Variants in PKHD1L1 observed in about 807,000 individuals in gnomAD.
The protein encoded by PKHD1L1 is fibrocystin-L.
Under a neutral mutation model 462.9 loss-of-function variants are expected in PKHD1L1, and 434 were observed. That is an observed-to-expected ratio of 0.94 (90% CI 0.87 to 1.02). The LOEUF is 1.02. PKHD1L1 is among the 50% of genes least tolerant of loss of function. The probability of loss-of-function intolerance (pLI) is 0.00; values close to 1 mark genes in which losing one functional copy is unlikely to be tolerated. For missense variants in PKHD1L1, 5,202 were observed against 5,096.1 expected (o/e 1.02, Z -0.63); for synonymous variants, 1,781 against 1,750.0 (o/e 1.02, Z -0.44).
chr8:109,399,902 C>A (rs780166356), intron 12 of PKHD1L1, among the ~76,000 whole-genome samples, 174 bp from the exon 13 acceptor site: 3 of 152,104 alleles, frequency 2.0e-5, no homozygotes, highest in Non-Finnish European at 4.4e-5. Context: ...GAACAAATTA[C>A]AGACTGCCCT....
intron 70 of PKHD1L1, among the ~76,000 whole-genome samples, chr8:109,509,991 A>C (rs575048188): frequency 6.6e-6 from 1 of 152,192 alleles, no homozygotes; most frequent in Admixed American, 6.6e-5. Context: ...AGTCATTTTA[A>C]ACCTGCTCAG....
chr8:109,403,849 T>C (rs983935710), intron 14 of PKHD1L1, among the ~76,000 whole-genome samples: 8 of 152,276 alleles, frequency 5.3e-5, no homozygotes, highest in Non-Finnish European at 1.2e-4. Context: ...TCTCCAAAGA[T>C]GTGAGCAATG....
chr8:109,429,924 A>C lies in PKHD1L1; in HGVS notation c.3124-8A>C. On this transcript the variant is annotated splice_polypyrimidine_tract_variant and splice_region_variant and intron_variant, in intron 26 of 77. Transcript: ENST00000378402. The stretch of plus-strand genomic sequence containing the variant: ...ATGTTCTGTAGCTTCTTGTTTCTTT[A>C]CTTGAAGGTTGAAGTCTATGTCAAT... The C allele has an allele frequency of 6.3e-7, 1 of 1,592,638 alleles. No individual in the cohort carries two copies. Among genetic ancestry groups the C allele is most frequent in the Admixed American group, 1.7e-5 (1 of 59,616 alleles).
chr8:109,531,636 C>T lies in PKHD1L1; in HGVS notation c.*1546C>T, dbSNP rs1586676926. Among the ~76,000 whole-genome samples the T allele has an allele frequency of 6.6e-6, 1 of 152,150 alleles. No homozygotes were observed. The highest frequency in any genetic ancestry group is 1.9e-4 in the East Asian group (1 of 5,196). ...AGGCCTAGGGGCTACAGAAAAAATTCAAATGAACAGCTGGAATGGAAATAG... is the reference window on the plus strand; with the variant it reads ...AGGCCTAGGGGCTACAGAAAAAATTTAAATGAACAGCTGGAATGGAAATAG... On this transcript the variant is annotated 3_prime_UTR_variant, in exon 78 of 78. Transcript: ENST00000378402.
intron 24 of PKHD1L1, among the ~76,000 whole-genome samples, chr8:109,425,882 C>T (rs531902805): frequency 6.6e-6 from 1 of 152,124 alleles, no homozygotes; most frequent in East Asian, 1.9e-4. Context: ...GGATTATATG[C>T]AATTTATTAC....
rs55963339 is a variant in PKHD1L1, at chr8:109,428,023, C to CAAAA, written c.3000+893_3000+896dup. ...GGGCAACAAGAGCAAAACTCCGTCTCAAAAAAAAAAAAAAAAAAAAAAAAA... is the reference window on the plus strand; with the variant it reads ...GGGCAACAAGAGCAAAACTCCGTCTCAAAAAAAAAAAAAAAAAAAAAAAAAAAAA... On this transcript the variant is annotated intron_variant, in intron 25 of 77. Transcript: ENST00000378402. Among the ~76,000 whole-genome samples the CAAAA allele has an allele frequency of 9.5e-4, 67 of 70,278 alleles. 6 individuals carry two copies. The highest frequency in any genetic ancestry group is 2.0e-3 in the Admixed American group (10 of 5,020). 46.1% of individuals were successfully genotyped at this position (70,278 alleles called of 152,430 possible). A position where few individuals can be genotyped will look rare whatever the true frequency, so the allele number is the denominator to read the frequency against.
In PKHD1L1 at chr8:109,427,170, G is replaced by A. The variant is rs781186801; in HGVS notation, c.3000+14G>A. The A allele has an allele frequency of 1.2e-6, 2 of 1,601,498 alleles. No homozygotes were observed. Among genetic ancestry groups the A allele is most frequent in the East Asian group, 2.2e-5 (1 of 44,770 alleles). On this transcript the variant is annotated intron_variant, in intron 25 of 77. Transcript: ENST00000378402. ...AATCTTCTACAGGTTCCCTCATTTG[G>A]CTTGGCTTCTCTTTTCTTCTATGTG...
chr8:109,417,760 C>G (rs112156348), intron 21 of PKHD1L1, among the ~76,000 whole-genome samples: 5,449 of 152,236 alleles, frequency 0.036, 308 homozygotes, highest in African/African-American at 0.11. Context: ...CCATATTGGT[C>G]AGGCTGGTCT....
chr8:109,429,842 CA>C (rs1469863880), intron 26 of PKHD1L1, 89 bp from the exon 27 acceptor site: 2 of 871,488 alleles, frequency 2.3e-6, no homozygotes, highest in Non-Finnish European at 1.8e-6. Flanking sequence ...AGCAAACCAA[CA>C]AAATTCCATC....
In PKHD1L1 at chr8:109,388,502, A is replaced by G; in HGVS notation, c.575A>G (p.Tyr192Cys). The G allele has an allele frequency of 6.6e-7, 1 of 1,510,012 alleles. No individual in the cohort carries two copies. The highest frequency in any genetic ancestry group is 9.0e-7 in the Non-Finnish European group (1 of 1,110,906). The allele number at this position is 1,510,012 out of a possible 1,614,324, so 93.5% of individuals were successfully genotyped here. A position where few individuals can be genotyped will look rare whatever the true frequency, so the allele number is the denominator to read the frequency against. The change falls in exon 7 of 78, where the codon TAC becomes TGC. Residue 192 changes from tyrosine (Y) to cysteine (C), a missense_variant. Coordinates refer to ENST00000378402, the MANE Select transcript of PKHD1L1 (RefSeq NM_177531.6). ...TAATAAAAATATTTGTACAGAGTTT[A>G]CATTGGAGGAATGCCCTGTGAGCTT... ...NGKNVRILRV[Y>C]IGGMPCELLI...
intron 71 of PKHD1L1, among the ~76,000 whole-genome samples, chr8:109,514,142 A>G (rs957996615): frequency 1.3e-5 from 2 of 151,956 alleles, no homozygotes; most frequent in Non-Finnish European, 2.9e-5. Context: ...GTCACCAAAC[A>G]TGCTACCCTC....
chr8:109,427,933 C>G (rs959516111), intron 25 of PKHD1L1, among the ~76,000 whole-genome samples: 1 of 144,350 alleles, frequency 6.9e-6, no homozygotes, highest in Non-Finnish European at 1.5e-5. Context: ...AGGAGAATCG[C>G]TTGAACCTGG....
In PKHD1L1 at chr8:109,362,643, T is replaced by TC; in HGVS notation, c.66dup (p.Ser23GlnfsTer17). On this transcript the variant is annotated frameshift_variant, in exon 1 of 78. Coordinates refer to ENST00000378402, the MANE Select transcript of PKHD1L1 (RefSeq NM_177531.6). LOFTEE classifies it high-confidence loss of function. ...GTGGGCTGCTCCTGTGTGCCGCGGA[T>TC]CCCAGCACAGGTAACCCTTTGGGCA... 1 of 1,603,616 alleles carries TC rather than the reference T, an allele frequency of 6.2e-7. No individual in the cohort carries two copies. The highest frequency in any genetic ancestry group is 8.5e-7 in the Non-Finnish European group (1 of 1,175,144).
rs1821136054 is a variant in PKHD1L1, at chr8:109,535,892, TA to T, written c.*5806del. On this transcript the variant is annotated 3_prime_UTR_variant, in exon 78 of 78. Transcript: ENST00000378402. ...AAATAAATATCCCATGAGTAGTACA[TA>T]AAAGCCTGGAGAGAGAGGGGAAGGA... Among the ~76,000 whole-genome samples, 1 of 152,142 alleles carries T rather than the reference TA, an allele frequency of 6.6e-6. No homozygotes were observed. The highest frequency in any genetic ancestry group is 6.5e-5 in the Admixed American group (1 of 15,276).
In PKHD1L1 at chr8:109,459,684, C is replaced by A. The variant is rs1230104117; in HGVS notation, c.7094C>A (p.Thr2365Lys). ...ACACTAAGTAACCCACTAAATTACA[C>A]ACACTTAGGAATTACGGTCACACTC... Reference protein sequence around the residue: ...NITLSNPLNYTHLGITVTLPD... With the variant: ...NITLSNPLNYKHLGITVTLPD... The change falls in exon 47 of 78, where the codon ACA becomes AAA. Residue 2365 changes from threonine to lysine, a missense_variant. Coordinates refer to ENST00000378402, the MANE Select transcript of PKHD1L1 (RefSeq NM_177531.6). 2 of 1,611,126 alleles carry A rather than the reference C, an allele frequency of 1.2e-6. No individual in the cohort carries two copies. The highest frequency in any genetic ancestry group is 8.5e-7 in the Non-Finnish European group (1 of 1,178,496).
At chr8:109,440,878 G>T in intron 33 of PKHD1L1, 26 bp downstream of exon 33, 1 of 1,603,902 alleles carries the variant, frequency 6.2e-7, no homozygotes, top group Non-Finnish European at 8.5e-7. Context: ...ATAGGAAAGT[G>T]ATTATCATTT....
At position 109,532,687 on chromosome 8, in the gene PKHD1L1, G is replaced by C. The variant is rs758025129; in HGVS notation, c.*2597G>C. On this transcript the variant is annotated 3_prime_UTR_variant, in exon 78 of 78. Coordinates refer to ENST00000378402, the MANE Select transcript of PKHD1L1 (RefSeq NM_177531.6). ...AGAGAATAAAAAGTTAATAAGAATA[G>C]CTTCTTGTATTTCTCATAGTAAGTG... Among the ~76,000 whole-genome samples, 15 of 152,254 alleles carry C rather than the reference G, an allele frequency of 9.9e-5. No homozygotes were observed. The highest frequency in any genetic ancestry group is 6.2e-4 in the South Asian group (3 of 4,828).
At chr8:109,501,132 T>C (rs1819389859) in intron 67 of PKHD1L1, among the ~76,000 whole-genome samples, 1 of 152,198 alleles carries the variant, frequency 6.6e-6, no homozygotes, top group Admixed American at 6.5e-5. Flanking sequence ...TTTACCACCA[T>C]ATAATGCCCT....
chr8:109,385,671 A>G (rs868329584), intron 6 of PKHD1L1, 41 bp downstream of exon 6: 5 of 1,254,356 alleles, frequency 4.0e-6, no homozygotes, highest in South Asian at 2.7e-5. Flanking sequence ...TAACTCATAA[A>G]TGAGAAGTAA....
Sources: gnomAD v4.1 joint callset for allele counts (sites outside exome capture counted in the v4.1 genomes callset) on GRCh38, gnomAD v4.1.1 for gene constraint, MANE v1.5 for transcripts, NCBI Gene and HGNC (gene_info 2026-07-23, HGNC 2026-07-21) for gene names.